Variants in MYH14 observed in about 807,000 individuals in gnomAD.
MYH14 encodes myosin heavy chain 14.
Under a neutral mutation model 255.5 loss-of-function variants are expected in MYH14, and 123 were observed. The ratio of observed to expected loss-of-function variants is 0.48; its 90% CI spans 0.42 to 0.56. The LOEUF (loss-of-function observed/expected upper bound fraction) is 0.56, where lower values mean the gene tolerates loss of function less well. Among genes scored for constraint, MYH14 ranks in the 20% least tolerant of loss-of-function variants. The pLI is 0.00. For synonymous variants in MYH14, 1,095 were observed against 1,161.2 expected, an observed-to-expected ratio of 0.94 and a Z score of 1.16; for missense variants, 2,423 against 2,802.3, an observed-to-expected ratio of 0.86 and a Z score of 3.06.
chr19:50,212,232 G>A (rs995305295), intron 2 of MYH14, among the ~76,000 whole-genome samples: 2 of 152,250 alleles, frequency 1.3e-5, no homozygotes, highest in South Asian at 2.1e-4. Flanking sequence ...GAGCTCTCTG[G>A]GGCTGTGACA....
intron 21 of MYH14, among the ~76,000 whole-genome samples, chr19:50,263,029 A>T (rs2034944510): frequency 6.6e-6 from 1 of 152,028 alleles, no homozygotes; most frequent in Non-Finnish European, 1.5e-5. Context: ...GCAAAACCCC[A>T]TCTCTACTAA....
intron 40 of MYH14, among the ~76,000 whole-genome samples, chr19:50,303,874 G>A (rs7246135): frequency 0.55 from 83,524 of 151,980 alleles, 23,293 homozygotes; most frequent in African/African-American, 0.61. Context: ...GACCAAGAAT[G>A]CCCCCATAAC....
intron 34 of MYH14, among the ~76,000 whole-genome samples, chr19:50,287,089 G>A (rs892605225): frequency 1.3e-5 from 2 of 152,108 alleles, no homozygotes; most frequent in Non-Finnish European, 2.9e-5. Context: ...CTGCACTCCA[G>A]CCTGGGTGAC....
chr19:50,276,914 A>C lies in MYH14; in HGVS notation c.3825+13A>C. ...GCAGGCCCGGAGGGTGGGTTGGGGC[A>C]GGGGGACAGGGCAGGGGGGCCACGG... On this transcript the variant is annotated intron_variant, in intron 29 of 42. Coordinates refer to ENST00000642316, the MANE Select transcript of MYH14 (RefSeq NM_001145809.2). The surrounding 1 kb of genome is among the most constrained non-coding windows in gnomAD (Gnocchi z 4.3). 8.3e-5 allele frequency: 44 copies of C among 531,242 alleles called. No individual in the cohort carries two copies. Among genetic ancestry groups the C allele is most frequent in the Non-Finnish European group, 1.2e-4 (42 of 354,338 alleles). The allele number at this position is 531,242 out of a possible 1,614,324, so 32.9% of individuals were successfully genotyped here.
intron 34 of MYH14, 126 bp downstream of exon 34, chr19:50,286,820 A>T: frequency 1.0e-6 from 1 of 976,432 alleles, no homozygotes; most frequent in Non-Finnish European, 1.5e-6. Flanking sequence ...GCACAAAGAG[A>T]ACAAGAGGGC....
chr19:50,280,026 C>T lies in MYH14; in HGVS notation c.4033-11C>T, dbSNP rs1438344040. ...CGATTGGAGGGCTTCATTCCCGTCC[C>T]TTCCCTGCAGGCTGAACTGGAGAAT... On this transcript the variant is annotated splice_polypyrimidine_tract_variant and intron_variant, in intron 30 of 42. Transcript: ENST00000642316. The surrounding 1 kb of genome is among the most constrained non-coding windows in gnomAD (Gnocchi z 4.8). The T allele has an allele frequency of 3.1e-6, 5 of 1,598,654 alleles. No individual in the cohort carries two copies. Among genetic ancestry groups the T allele is most frequent in the African/African-American group, 1.3e-5 (1 of 74,792 alleles).
intron 2 of MYH14, 127 bp downstream of exon 2, chr19:50,210,897 GT>G: frequency 7.0e-7 from 1 of 1,428,154 alleles, no homozygotes; most frequent in East Asian, 2.7e-5. Context: ...TCCCGTGACT[GT>G]TCCTACACTT....
chr19:50,273,534 T>G (rs992354931), intron 27 of MYH14, among the ~76,000 whole-genome samples: 1 of 152,052 alleles, frequency 6.6e-6, no homozygotes, highest in African/African-American at 2.4e-5. Context: ...TGATTACAAG[T>G]ACAGCTCCAT....
Position 50,293,703 on chromosome 19 carries a change from C to T in MYH14, c.5469+16C>T, listed in dbSNP as rs3745510. On this transcript the variant is annotated intron_variant, in intron 39 of 42. Transcript: ENST00000642316. This position sits in a 1 kb window ranked among gnomAD's most constrained non-coding sequence, Gnocchi z 4.1. ...GCTCCTGCAGGTGAGCGTGATTGAC[C>T]GCCCCCACCAGCCTCAGTCCCCATT... 0.74 allele frequency: 1,136,025 copies of T among 1,542,138 alleles called. 424,673 individuals carry two copies. The highest frequency in any genetic ancestry group is 0.91 in the East Asian group (40,207 of 44,130).
Position 50,266,990 on chromosome 19 carries a change from C to G in MYH14, c.2808C>G (p.Leu936=). 1 of 1,567,112 alleles carries G rather than the reference C, an allele frequency of 6.4e-7. No homozygotes were observed. Residue 936 remains leucine, a synonymous_variant, in exon 23 of 43, where the codon CTC becomes CTG. Coordinates refer to ENST00000642316, the MANE Select transcript of MYH14 (RefSeq NM_001145809.2). The surrounding 1 kb of genome is among the most constrained non-coding windows in gnomAD (Gnocchi z 4.1). ...AGAGCGCCCGCGAAGTTGGGGAGCTCCAGGGCCGAGTGGCACAGGTGAGGG... is the reference window on the plus strand; with the variant it reads ...AGAGCGCCCGCGAAGTTGGGGAGCTGCAGGGCCGAGTGGCACAGGTGAGGG... ...QQQSAREVGE[L]QGRVAQLEEE...
chr19:50,206,029 T>G (rs568484213), intron 1 of MYH14, among the ~76,000 whole-genome samples: 3 of 152,158 alleles, frequency 2.0e-5, no homozygotes, highest in Non-Finnish European at 4.4e-5. Flanking sequence ...TAATTAGCCC[T>G]GGCAGAGTGT....
Position 50,309,664 on chromosome 19 carries a change from C to CCGCACGCACCACCTGGCG in MYH14, c.5991_5992insCACCACCTGGCGCGCACG (p.Thr1997_Val1998insHisHisLeuAlaArgThr), listed in dbSNP as rs1568564328. ...GACGCGGCCCCCTCACCTTCACCACCCGCACGGTGCGCCAGGTCTTCCGAC... is the reference window on the plus strand; with the variant it reads ...GACGCGGCCCCCTCACCTTCACCACCCGCACGCACCACCTGGCGCGCACGGTGCGCCAGGTCTTCCGAC... On this transcript the variant is annotated inframe_insertion, in exon 43 of 43. Transcript: ENST00000642316. 5.6e-6 allele frequency: 9 copies of CCGCACGCACCACCTGGCG among 1,611,008 alleles called. No individual in the cohort carries two copies. Among genetic ancestry groups the CCGCACGCACCACCTGGCG allele is most frequent in the Non-Finnish European group, 6.8e-6 (8 of 1,178,906 alleles).
intron 41 of MYH14, among the ~76,000 whole-genome samples, chr19:50,307,390 G>A (rs151321924): frequency 6.6e-6 from 1 of 152,186 alleles, no homozygotes; most frequent in South Asian, 2.1e-4. Flanking sequence ...AGGGAGCTGA[G>A]GAAGCCAGGG....
rs1191424706 is a variant in MYH14, at chr19:50,269,327, G to T, written c.3033+960G>T. Among the ~76,000 whole-genome samples, 4 of 152,262 alleles carry T rather than the reference G, an allele frequency of 2.6e-5. No individual in the cohort carries two copies. In the East Asian group the frequency reaches 5.8e-4, roughly 22 times the overall value. On this transcript the variant is annotated intron_variant, in intron 24 of 42. Coordinates refer to ENST00000642316, the MANE Select transcript of MYH14 (RefSeq NM_001145809.2). ...CAGCAGTATCTGGGATTACAGGTGT[G>T]TGCCACCATGCCCAGCTAATGTTTT... is the stretch of plus-strand genomic sequence containing the variant.
chr19:50,290,958 G>A lies in MYH14; in HGVS notation c.5037G>A (p.Lys1679=), dbSNP rs1268303938. ...QRTLAVAARK[K]LEGELEELKA... ...CTCTGGCCGTGGCTGCCCGCAAGAAGCTGGAGGGAGAGCTGGAGGAGCTGA... is the reference window on the plus strand; with the variant it reads ...CTCTGGCCGTGGCTGCCCGCAAGAAACTGGAGGGAGAGCTGGAGGAGCTGA... Residue 1679 remains lysine (K), a synonymous_variant, in exon 36 of 43, where the codon AAG becomes AAA. Coordinates refer to ENST00000642316, the MANE Select transcript of MYH14 (RefSeq NM_001145809.2). 1.2e-6 allele frequency: 2 copies of A among 1,603,528 alleles called. No individual in the cohort carries two copies. The highest frequency in any genetic ancestry group is 1.7e-5 in the Admixed American group (1 of 58,342).
In MYH14 at chr19:50,230,956, G is replaced by A. The variant is rs546221244; in HGVS notation, c.973+333G>A. ...GCGGCTTCTCCTCACTCCGGCGGGT[G>A]ACTCCGGCTTTGCTGAGGCTCCTCC... On this transcript the variant is annotated intron_variant, in intron 9 of 42. Transcript: ENST00000642316. The surrounding 1 kb of genome is among the most constrained non-coding windows in gnomAD (Gnocchi z 4.7). The A allele has an allele frequency of 2.7e-3, 852 of 320,762 alleles. 4 individuals carry two copies. The highest frequency in any genetic ancestry group is 4.4e-3 in the Non-Finnish European group (739 of 168,434). The allele number at this position is 320,762 out of a possible 1,614,324, so 19.9% of individuals were successfully genotyped here. A position where few individuals can be genotyped will look rare whatever the true frequency, so the allele number is the denominator to read the frequency against.
chr19:50,247,158 GCCGCGCACC>G, intron 12 of MYH14, 36 bp downstream of exon 12: 1 of 1,479,140 alleles, frequency 6.8e-7, no homozygotes, highest in Non-Finnish European at 9.4e-7. Context: ...CACAGAAAGA[GCCGCGCACC>G]CCGGCCCTGG....
At chr19:50,235,398 G>GC (rs11379359) in intron 10 of MYH14, among the ~76,000 whole-genome samples, 129,530 of 150,586 alleles carry the variant, frequency 0.86, 56,068 homozygotes, top group South Asian at 0.93. Flanking sequence ...GCTCCAGCTG[G>GC]CCCCCCAGCT....
chr19:50,230,514 G>A lies in MYH14; in HGVS notation c.875-11G>A, dbSNP rs560302233. ...CCCTTCCCCTCTAGCACCTTGACTC[G>A]CTGTGTCCAGACCTGCTGGAGAAGT... On this transcript the variant is annotated splice_polypyrimidine_tract_variant and intron_variant, in intron 8 of 42. Coordinates refer to ENST00000642316, the MANE Select transcript of MYH14 (RefSeq NM_001145809.2). This position sits in a 1 kb window ranked among gnomAD's most constrained non-coding sequence, Gnocchi z 4.7. 2.0e-5 allele frequency: 31 copies of A among 1,555,084 alleles called. No homozygotes were observed. The Admixed American group carries it at 5.1e-4, about 25-fold the overall frequency.
Sources: gnomAD v4.1 joint callset for allele counts (sites outside exome capture counted in the v4.1 genomes callset) on GRCh38, gnomAD v4.1.1 for gene constraint, Gnocchi (gnomAD v3.1) non-coding constraint, MANE v1.5 for transcripts, NCBI Gene and HGNC (gene_info 2026-07-23, HGNC 2026-07-21) for gene names.